Variants in NRG3 observed in about 807,000 individuals in gnomAD.
NRG3 encodes the protein pro-neuregulin-3, membrane-bound isoform.
NRG3 carries 31 observed loss-of-function variants against 66.9 expected under a neutral mutation model. That is an observed-to-expected ratio of 0.46 (90% CI 0.35 to 0.63). The LOEUF is 0.63. Among genes scored for constraint, NRG3 ranks in the 20% least tolerant of loss-of-function variants. NRG3 has a pLI of 0.00. For synonymous variants in NRG3, 393 were observed against 359.4 expected (o/e 1.09, Z -1.06); for missense variants, 910 against 878.9 (o/e 1.04, Z -0.45).
chr10:81,965,902 G>T (rs1271818270), intron 1 of NRG3, among the ~76,000 whole-genome samples: 3 of 151,856 alleles, frequency 2.0e-5, no homozygotes, highest in Admixed American at 6.6e-5. Context: ...TTATTATTTG[G>T]TGTATGTATT....
At chr10:82,833,651 T>A (rs2062638286) in intron 3 of NRG3, among the ~76,000 whole-genome samples, 1 of 152,246 alleles carries the variant, frequency 6.6e-6, no homozygotes, top group Non-Finnish European at 1.5e-5. Context: ...AAGACCAAGG[T>A]CTCCTAGCCT....
intron 1 of NRG3, among the ~76,000 whole-genome samples, chr10:81,965,914 A>C (rs952672726): frequency 1.3e-5 from 2 of 152,062 alleles, no homozygotes; most frequent in African/African-American, 4.8e-5. Context: ...GTATGTATTC[A>C]GGACAGTATT....
At chr10:82,034,115 G>A (rs1424692741) in intron 1 of NRG3, among the ~76,000 whole-genome samples, 2 of 152,042 alleles carry the variant, frequency 1.3e-5, no homozygotes, top group East Asian at 3.9e-4. Context: ...CTTCCTTCCT[G>A]TAATCTTTGC....
intron 2 of NRG3, among the ~76,000 whole-genome samples, chr10:82,402,405 G>A (rs1406917627): frequency 6.6e-6 from 1 of 152,026 alleles, no homozygotes; most frequent in Non-Finnish European, 1.5e-5. Context: ...GAAAAAACAA[G>A]CTTTTCTCCT....
intron 2 of NRG3, among the ~76,000 whole-genome samples, chr10:82,411,368 A>T (rs2088073355): frequency 6.6e-6 from 1 of 152,174 alleles, no homozygotes; most frequent in Non-Finnish European, 1.5e-5. Context: ...TGTCTACCTT[A>T]ATTCAAAACA....
chr10:82,975,765 G>C (rs1335493376), intron 7 of NRG3, among the ~76,000 whole-genome samples: 1 of 152,190 alleles, frequency 6.6e-6, no homozygotes. Flanking sequence ...TAGAAGGCCT[G>C]AATAGCTGAT....
chr10:82,967,137 T>TTA (rs149462086), intron 6 of NRG3, among the ~76,000 whole-genome samples: 3,835 of 147,898 alleles, frequency 0.026, 58 homozygotes, highest in Non-Finnish European at 0.03. Context: ...ATCAAAGATT[T>TTA]TATATATATA....
At chr10:82,442,784 ATTTTTTT>A (rs61261285) in intron 2 of NRG3, among the ~76,000 whole-genome samples, 1,200 of 54,244 alleles carry the variant, frequency 0.022, 27 homozygotes, top group African/African-American at 0.08. Flanking sequence ...TTCTGTGTGG[ATTTTTTT>A]TTTTTTTTTT....
intron 3 of NRG3, among the ~76,000 whole-genome samples, chr10:82,810,808 G>A (rs938571180): frequency 1.3e-5 from 2 of 151,360 alleles, no homozygotes; most frequent in Non-Finnish European, 2.9e-5. Context: ...GTGTGAACTA[G>A]GTCGCTGGTA....
At chr10:82,606,597 G>T (rs1001024392) in intron 2 of NRG3, among the ~76,000 whole-genome samples, 2 of 152,032 alleles carry the variant, frequency 1.3e-5, no homozygotes, top group Non-Finnish European at 2.9e-5. Context: ...ACCAGCACAA[G>T]GTTAACAAGA....
At chr10:82,919,457 A>T (rs1178636426) in intron 4 of NRG3, among the ~76,000 whole-genome samples, 1 of 152,214 alleles carries the variant, frequency 6.6e-6, no homozygotes, top group East Asian at 1.9e-4. Flanking sequence ...CTCTGAACAC[A>T]TGGGAGTGAT....
At chr10:82,304,039 A>T (rs1198695683) in intron 1 of NRG3, among the ~76,000 whole-genome samples, 1 of 152,044 alleles carries the variant, frequency 6.6e-6, no homozygotes, top group Non-Finnish European at 1.5e-5. Context: ...CAGAAGTAGA[A>T]TTGGGGTATA....
chr10:82,153,187 G>A (rs1460686700), intron 1 of NRG3, among the ~76,000 whole-genome samples: 1 of 151,706 alleles, frequency 6.6e-6, no homozygotes, highest in Non-Finnish European at 1.5e-5. Context: ...TTACCTTTTG[G>A]TCAACATTGC....
chr10:82,836,289 A>G (rs1358791837), intron 3 of NRG3, among the ~76,000 whole-genome samples: 1 of 152,182 alleles, frequency 6.6e-6, no homozygotes, highest in Admixed American at 6.6e-5. Flanking sequence ...ATTGGTTTAC[A>G]GAGATGTATT....
intron 1 of NRG3, among the ~76,000 whole-genome samples, chr10:81,990,690 C>T (rs557932185): frequency 3.9e-5 from 6 of 151,908 alleles, no homozygotes; most frequent in Non-Finnish European, 8.8e-5. Flanking sequence ...ATGGAATTCC[C>T]GGAAAAGAGA....
Position 82,951,484 on chromosome 10 carries a change from A to G in NRG3, c.1070A>G (p.Tyr357Cys). ...AAATTCACAGAGAGTGAAGAAGTTT[A>G]TCAAAGGCAGGTGCTGTCAATTTCA... is the stretch of plus-strand genomic sequence containing the variant. ...GIEFMESEEV[Y>C]QRQVLSISCI... The change falls in exon 5 of 9, where the codon TAT (tyrosine) becomes TGT (cysteine). Residue 357 changes from tyrosine (Y) to cysteine (C), a missense_variant. Physicochemically the swap from Tyr to Cys is radical, Grantham distance 194. Coordinates refer to ENST00000372141, the MANE Select transcript of NRG3 (RefSeq NM_001010848.4). 1.2e-6 allele frequency: 2 copies of G among 1,613,874 alleles called. No homozygotes were observed. Among genetic ancestry groups the G allele is most frequent in the South Asian group, 1.1e-5 (1 of 91,076 alleles).
intron 2 of NRG3, among the ~76,000 whole-genome samples, chr10:82,514,058 T>C (rs2132472086): frequency 6.6e-6 from 1 of 152,324 alleles, no homozygotes; most frequent in South Asian, 2.1e-4. Flanking sequence ...CTGTAATTTG[T>C]TTAAGTTCCT....
intron 2 of NRG3, among the ~76,000 whole-genome samples, chr10:82,564,997 T>A (rs1479162124): frequency 6.6e-6 from 1 of 152,050 alleles, no homozygotes. Flanking sequence ...AGATGACTAA[T>A]ACAATTAGAT....
intron 1 of NRG3, among the ~76,000 whole-genome samples, chr10:82,098,017 T>A (rs2066461909): frequency 6.6e-6 from 1 of 151,202 alleles, no homozygotes; most frequent in African/African-American, 2.4e-5. Flanking sequence ...TGAGACCTTA[T>A]CCTATTGTGA....
Sources: gnomAD v4.1 joint callset for allele counts (sites outside exome capture counted in the v4.1 genomes callset) on GRCh38, gnomAD v4.1.1 for gene constraint, MANE v1.5 for transcripts, NCBI Gene and HGNC (gene_info 2026-07-23, HGNC 2026-07-21) for gene names.